Variants in CELF4 observed in about 807,000 individuals in gnomAD.
CELF4 encodes CUG-BP- and ETR-3-like factor 4.
A neutral mutation model predicts 59.9 loss-of-function variants in CELF4; 18 were observed. The ratio of observed to expected loss-of-function variants is 0.30; its 90% CI spans 0.21 to 0.45. The LOEUF is 0.45. Ranked by LOEUF, CELF4 falls within the 20% of genes least tolerant of loss-of-function variation. The pLI, the probability that CELF4 is intolerant of heterozygous loss-of-function variation, is 1.00. For synonymous variants in CELF4, 261 were observed against 267.1 expected, an observed-to-expected ratio of 0.98 and a Z score of 0.22; for missense variants, 456 against 689.0, an observed-to-expected ratio of 0.66 and a Z score of 3.79.
chr18:37,265,180 CAT>C (rs2076925479), intron 9 of CELF4, among the ~76,000 whole-genome samples: 1 of 149,368 alleles, frequency 6.7e-6, no homozygotes, highest in African/African-American at 2.5e-5. Flanking sequence ...GTGTACATTA[CAT>C]GTGTACATGC....
At chr18:37,320,359 C>A (rs75698814) in intron 3 of CELF4, among the ~76,000 whole-genome samples, 4 of 150,034 alleles carry the variant, frequency 2.7e-5, no homozygotes, top group South Asian at 2.1e-4. Flanking sequence ...AAAAAAAAGG[C>A]CCCAACTCCT....
chr18:37,326,144 G>C (rs543966513), intron 2 of CELF4, among the ~76,000 whole-genome samples: 1 of 152,324 alleles, frequency 6.6e-6, no homozygotes, highest in African/African-American at 2.4e-5. Flanking sequence ...GATCGGGAGA[G>C]AACAAGGCAG....
intron 2 of CELF4, among the ~76,000 whole-genome samples, chr18:37,438,966 C>T (rs2099702689): frequency 6.6e-6 from 1 of 152,048 alleles, no homozygotes; most frequent in Non-Finnish European, 1.5e-5. Flanking sequence ...TGGCTAATGC[C>T]CAGGGGAGGC....
intron 1 of CELF4, among the ~76,000 whole-genome samples, chr18:37,493,125 A>G (rs2099911818): frequency 6.6e-6 from 1 of 152,094 alleles, no homozygotes; most frequent in South Asian, 2.1e-4. Flanking sequence ...TTCCCCACCC[A>G]CATAATAAAT....
At chr18:37,324,433 C>T (rs2097227985) in intron 2 of CELF4, among the ~76,000 whole-genome samples, 1 of 152,200 alleles carries the variant, frequency 6.6e-6, no homozygotes, top group Admixed American at 6.5e-5. Context: ...AGCGAGAAGG[C>T]CGCCATCTTC....
At chr18:37,453,760 C>T (rs910632087) in intron 2 of CELF4, among the ~76,000 whole-genome samples, 2 of 152,120 alleles carry the variant, frequency 1.3e-5, no homozygotes, top group African/African-American at 4.8e-5. Flanking sequence ...ACTGCAGTCA[C>T]TGGATGGCCA....
intron 1 of CELF4, among the ~76,000 whole-genome samples, chr18:37,523,970 G>T (rs1256859710): frequency 2.6e-5 from 4 of 152,206 alleles, no homozygotes; most frequent in Admixed American, 6.5e-5. Context: ...CATGCTTTCT[G>T]CCTCCCAGCA....
At chr18:37,308,448 C>T (rs111832989) in intron 3 of CELF4, among the ~76,000 whole-genome samples, 79 of 152,292 alleles carry the variant, frequency 5.2e-4, no homozygotes, top group Middle Eastern at 3.4e-3. Flanking sequence ...ACTGCTCCAG[C>T]GGGCACAGGC....
chr18:37,476,879 A>T (rs2099851084), intron 2 of CELF4, among the ~76,000 whole-genome samples: 1 of 152,144 alleles, frequency 6.6e-6, no homozygotes, highest in South Asian at 2.1e-4. Flanking sequence ...GCCCACATTC[A>T]CACCTGCACC....
intron 3 of CELF4, among the ~76,000 whole-genome samples, chr18:37,288,710 C>T (rs986442349): frequency 2.0e-5 from 3 of 152,106 alleles, no homozygotes; most frequent in Non-Finnish European, 2.9e-5. Context: ...AAGGGCTGCA[C>T]CATCTGCAAG....
At chr18:37,481,348 C>T (rs988512409) in intron 2 of CELF4, among the ~76,000 whole-genome samples, 1 of 152,196 alleles carries the variant, frequency 6.6e-6, no homozygotes, top group Admixed American at 6.5e-5. Context: ...CCTGCCAGCC[C>T]TGGTGAGAAG....
rs1439084662 is a variant in CELF4, at chr18:37,423,391, T to A, written c.369+62134A>T. On this transcript the variant is annotated intron_variant, in intron 2 of 12. Transcript: ENST00000420428. ...GCTTTCACATGGAAAGGAGTCCTTG[T>A]GGGGCCAGAGTGGGATGGGAAGACT... Among the ~76,000 whole-genome samples, 3 of 152,056 alleles carry A rather than the reference T, an allele frequency of 2.0e-5. No homozygotes were observed. In the East Asian group the frequency reaches 5.8e-4, roughly 29 times the overall value.
chr18:37,306,563 G>A (rs565568797), intron 3 of CELF4, among the ~76,000 whole-genome samples: 18 of 152,298 alleles, frequency 1.2e-4, no homozygotes, highest in African/African-American at 3.8e-4. Flanking sequence ...TGGCAGAGCC[G>A]GGTGGCTGCT....
At chr18:37,328,121 G>A (rs2097390535) in intron 2 of CELF4, among the ~76,000 whole-genome samples, 1 of 152,192 alleles carries the variant, frequency 6.6e-6, no homozygotes, top group Non-Finnish European at 1.5e-5. Flanking sequence ...CCCTACTCAT[G>A]GATCCCCAGA....
At chr18:37,398,190 C>T (rs1032809588) in intron 2 of CELF4, among the ~76,000 whole-genome samples, 3 of 152,120 alleles carry the variant, frequency 2.0e-5, no homozygotes, top group African/African-American at 7.2e-5. Context: ...GTGACCCCTT[C>T]CCCCATTCCC....
At chr18:37,523,488 G>A (rs550744476) in intron 1 of CELF4, among the ~76,000 whole-genome samples, 6 of 152,248 alleles carry the variant, frequency 3.9e-5, no homozygotes, top group Non-Finnish European at 8.8e-5. Context: ...CAAGGGTAAG[G>A]AGTTTGGTGA....
At chr18:37,282,906 G>T (rs1391507891) in intron 3 of CELF4, among the ~76,000 whole-genome samples, 1 of 152,196 alleles carries the variant, frequency 6.6e-6, no homozygotes, top group Admixed American at 6.5e-5. Flanking sequence ...AGCCAGCTGG[G>T]CTGGGAGCCG....
intron 3 of CELF4, among the ~76,000 whole-genome samples, chr18:37,294,848 A>G (rs2095548355): frequency 1.3e-5 from 2 of 152,170 alleles, no homozygotes; most frequent in South Asian, 4.1e-4. Context: ...TTGGATATTA[A>G]TTCTCTTTTT....
At chr18:37,470,760 G>C (rs765036557) in intron 2 of CELF4, among the ~76,000 whole-genome samples, 1 of 151,886 alleles carries the variant, frequency 6.6e-6, no homozygotes, top group Non-Finnish European at 1.5e-5. Flanking sequence ...GGTTTCTGAA[G>C]CTGGAGGAGC....
Sources: gnomAD v4.1 joint callset for allele counts (sites outside exome capture counted in the v4.1 genomes callset) on GRCh38, gnomAD v4.1.1 for gene constraint, MANE v1.5 for transcripts, NCBI Gene and HGNC (gene_info 2026-07-23, HGNC 2026-07-21) for gene names.